The following DCHS2 variants were observed in gnomAD, a reference collection of about 807,000 sequenced individuals.
DCHS2 encodes the protein protocadherin-23.
In DCHS2, 142 loss-of-function variants were observed where a neutral mutation model predicts 182.4. The observed-to-expected ratio is 0.78, with a 90% CI of 0.68 to 0.89. The LOEUF is 0.89. Among genes scored for constraint, DCHS2 ranks in the 40% least tolerant of loss-of-function variants. The probability of loss-of-function intolerance (pLI) is 0.00; values close to 1 mark genes in which losing one functional copy is unlikely to be tolerated. For missense variants in DCHS2, 4,319 were observed against 4,198.6 expected (o/e 1.03, Z -0.79); for synonymous variants, 1,740 against 1,663.3 (o/e 1.05, Z -1.12).
intron 13 of DCHS2, among the ~76,000 whole-genome samples, chr4:154,279,532 G>A (rs76477114): frequency 0.02 from 3,103 of 151,962 alleles, 104 homozygotes; most frequent in African/African-American, 0.072. Context: ...ATAATAAAAA[G>A]TCCATTCAAC....
chr4:154,332,625 C>T lies in DCHS2; in HGVS notation c.3583G>A (p.Val1195Met). The T allele has an allele frequency of 1.2e-6, 2 of 1,614,264 alleles. No homozygotes were observed. Among genetic ancestry groups the T allele is most frequent in the Non-Finnish European group, 8.5e-7 (1 of 1,180,056 alleles). ...CTCTCTTCGACTTTCAAAAACAACA[C>T]ATCATGCAAGAAGGTGGGGGAATTG... ...NDNSPTFLHD[V>M]LFLKVEESPV... The change falls in exon 5 of 20, where the codon GTG becomes ATG. Residue 1195 changes from valine (V) to methionine (M), a missense_variant. Val to Met is a conservative substitution (Grantham distance 21). Coordinates refer to ENST00000357232, the MANE Select transcript of DCHS2 (RefSeq NM_001358235.2).
At chr4:154,325,316 CGTGT>C (rs75589397) in intron 7 of DCHS2, among the ~76,000 whole-genome samples, 4,652 of 142,696 alleles carry the variant, frequency 0.033, 159 homozygotes, top group African/African-American at 0.082. Flanking sequence ...GGATTATAGC[CGTGT>C]GTGTGTGTGT....
At chr4:154,417,464 A>G (rs935926219) in intron 1 of DCHS2, among the ~76,000 whole-genome samples, 8 of 152,150 alleles carry the variant, frequency 5.3e-5, no homozygotes, top group Admixed American at 2.0e-4. Context: ...TGTGGCCCCA[A>G]TAAGCTGCTT....
intron 5 of DCHS2, among the ~76,000 whole-genome samples, chr4:154,331,923 A>G (rs1736546701): frequency 6.6e-6 from 1 of 152,244 alleles, no homozygotes; most frequent in African/African-American, 2.4e-5. Context: ...TTCAGACTTT[A>G]AAAATTTCAC....
At chr4:154,283,197 C>T (rs1302534637) in intron 13 of DCHS2, among the ~76,000 whole-genome samples, 2 of 151,974 alleles carry the variant, frequency 1.3e-5, no homozygotes, top group Non-Finnish European at 2.9e-5. Context: ...AGAAGAAATG[C>T]ATTGATTTTT....
intron 9 of DCHS2, among the ~76,000 whole-genome samples, chr4:154,318,961 A>G (rs1159646489): frequency 6.6e-6 from 1 of 152,136 alleles, no homozygotes; most frequent in Non-Finnish European, 1.5e-5. Context: ...CAAAGCTACC[A>G]TAATCAAAAC....
At chr4:154,377,503 G>T in intron 1 of DCHS2, 59 bp from the exon 2 acceptor site, 1 of 1,396,778 alleles carries the variant, frequency 7.2e-7, no homozygotes, top group South Asian at 1.3e-5. Flanking sequence ...TTTTCAGTCA[G>T]TCATGAATTA....
At chr4:154,258,239 C>A (rs1453710881) in intron 15 of DCHS2, among the ~76,000 whole-genome samples, 2 of 152,058 alleles carry the variant, frequency 1.3e-5, no homozygotes, top group Non-Finnish European at 2.9e-5. Context: ...CTAGGGGATC[C>A]CAGATATCCT....
At chr4:154,302,309 C>T (rs766492057) in intron 12 of DCHS2, among the ~76,000 whole-genome samples, 1 of 152,212 alleles carries the variant, frequency 6.6e-6, no homozygotes, top group African/African-American at 2.4e-5. Context: ...TTACAATTCA[C>T]TTGGCATTCC....
chr4:154,382,914 G>T (rs1385793869), intron 1 of DCHS2, among the ~76,000 whole-genome samples: 2 of 152,170 alleles, frequency 1.3e-5, no homozygotes, highest in African/African-American at 2.4e-5. Flanking sequence ...ATGCAAATTA[G>T]TTCAGCCACT....
At chr4:154,384,565 G>T in intron 1 of DCHS2, 2 of 1,498,008 alleles carry the variant, frequency 1.3e-6, no homozygotes, top group African/African-American at 2.8e-5. Context: ...AAAGTAGTGA[G>T]TACTACCTTA....
chr4:154,381,558 C>T (rs1176220100), intron 1 of DCHS2, among the ~76,000 whole-genome samples: 1 of 151,972 alleles, frequency 6.6e-6, no homozygotes, highest in Non-Finnish European at 1.5e-5. Context: ...CCAAAAGGCT[C>T]CTGGAACTGA....
At chr4:154,423,485 T>G (rs1157293318) in intron 1 of DCHS2, among the ~76,000 whole-genome samples, 1 of 152,214 alleles carries the variant, frequency 6.6e-6, no homozygotes, top group Non-Finnish European at 1.5e-5. Flanking sequence ...CATGTCTCAT[T>G]GCTTCCCATA....
intron 1 of DCHS2, among the ~76,000 whole-genome samples, chr4:154,438,992 T>C (rs11099954): frequency 0.46 from 69,886 of 152,064 alleles, 16,565 homozygotes; most frequent in Middle Eastern, 0.68. Flanking sequence ...ATGTTTTGCA[T>C]AAACAAGATT....
Position 154,236,080 on chromosome 4 carries a change from C to T in DCHS2, c.8572G>A (p.Gly2858Ser), listed in dbSNP as rs777884817. ...YCLTVQAKDK[G>S]DATASLVVWV... ...ACCACTAAGGAGGCAGTTGCATCAC[C>T]TTTGTCTTTGGCTTGGACTGTGAGG... Residue 2858 changes from glycine (G) to serine (S), a missense_variant, in exon 20 of 20, where the codon GGT (glycine) becomes AGT (serine). By Grantham distance (56) the Gly-to-Ser change is moderately conservative. Transcript: ENST00000357232. 13 of 1,613,648 alleles carry T rather than the reference C, an allele frequency of 8.1e-6. No homozygotes were observed. The East Asian group carries it at 2.2e-4, about 28-fold the overall frequency.
At chr4:154,318,326 G>GA (rs544080460) in intron 9 of DCHS2, among the ~76,000 whole-genome samples, 2 of 150,826 alleles carry the variant, frequency 1.3e-5, no homozygotes, top group Non-Finnish European at 3.0e-5. Flanking sequence ...CATTTTAAGA[G>GA]AAAAAAAAGA....
chr4:154,264,675 G>T (rs891400624), intron 14 of DCHS2, among the ~76,000 whole-genome samples: 1 of 152,090 alleles, frequency 6.6e-6, no homozygotes, highest in African/African-American at 2.4e-5. Flanking sequence ...AGAATTACAA[G>T]ACCAGCAAAA....
At chr4:154,437,984 C>T (rs1733850355) in intron 1 of DCHS2, among the ~76,000 whole-genome samples, 1 of 152,020 alleles carries the variant, frequency 6.6e-6, no homozygotes, top group South Asian at 2.1e-4. Flanking sequence ...CCAGCCTGGG[C>T]AACATAGTGA....
intron 3 of DCHS2, among the ~76,000 whole-genome samples, chr4:154,336,266 A>G (rs963544094): frequency 3.3e-5 from 5 of 152,196 alleles, no homozygotes; most frequent in African/African-American, 1.2e-4. Flanking sequence ...ATTCGGTAAT[A>G]CTGACAAAAA....
Sources: gnomAD v4.1 joint callset for allele counts (sites outside exome capture counted in the v4.1 genomes callset) on GRCh38, gnomAD v4.1.1 for gene constraint, MANE v1.5 for transcripts, NCBI Gene and HGNC (gene_info 2026-07-23, HGNC 2026-07-21) for gene names.